The following CNNM2 variants were observed in gnomAD, a reference collection of about 807,000 sequenced individuals.
CNNM2 encodes the protein cyclin and CBS domain divalent metal cation transport mediator 2.
Under a neutral mutation model 66.9 loss-of-function variants are expected in CNNM2, and 12 were observed. That is an observed-to-expected ratio of 0.18 (90% CI 0.11 to 0.29). CNNM2 has a LOEUF of 0.29. CNNM2 is among the 10% of genes least tolerant of loss of function. CNNM2 has a pLI of 1.00. For missense variants in CNNM2, 705 were observed against 1,167.7 expected, an observed-to-expected ratio of 0.60 and a Z score of 5.77; for synonymous variants, 557 against 501.8, an observed-to-expected ratio of 1.11 and a Z score of -1.47.
At chr10:102,985,268 AC>A (rs2063778721) in intron 1 of CNNM2, among the ~76,000 whole-genome samples, 1 of 151,424 alleles carries the variant, frequency 6.6e-6, no homozygotes, top group African/African-American at 2.4e-5. Context: ...TCCCCTTCTC[AC>A]CCTCTTGTTT....
chr10:103,089,110 A>T lies in CNNM2; in HGVS notation c.*11930A>T. On this transcript the variant is annotated 3_prime_UTR_variant, in exon 8 of 8. Transcript: ENST00000369878. ...GCAAGTAGAGCATACTTCTGTGCAA[A>T]GCCAGTGATAGAGAAGCAGCCTTGC... 1 of 227,294 alleles carries T rather than the reference A, an allele frequency of 4.4e-6. No homozygotes were observed. The highest frequency in any genetic ancestry group is 6.4e-5 in the East Asian group (1 of 15,744). 14.1% of individuals were successfully genotyped at this position (227,294 alleles called of 1,614,324 possible). A position where few individuals can be genotyped will look rare whatever the true frequency, so the allele number is the denominator to read the frequency against.
At chr10:102,920,363 A>G (rs888266661) in intron 1 of CNNM2, among the ~76,000 whole-genome samples, 1 of 151,648 alleles carries the variant, frequency 6.6e-6, no homozygotes, top group Non-Finnish European at 1.5e-5. Context: ...ATTTCTGTGC[A>G]TGACACTTAT....
chr10:103,073,444 A>G (rs551224828), intron 6 of CNNM2, among the ~76,000 whole-genome samples: 1 of 152,328 alleles, frequency 6.6e-6, no homozygotes, highest in South Asian at 2.1e-4. Context: ...GCGCAGGGAT[A>G]CAGTAAGATC....
intron 1 of CNNM2, among the ~76,000 whole-genome samples, chr10:102,957,536 A>T (rs912288314): frequency 6.6e-6 from 1 of 152,218 alleles, no homozygotes; most frequent in Non-Finnish European, 1.5e-5. Context: ...TTTATCAAGA[A>T]TCTATTAAGC....
intron 1 of CNNM2, 69 bp from the exon 2 acceptor site, chr10:103,049,638 A>G (rs1280041154): frequency 1.2e-5 from 17 of 1,415,606 alleles, no homozygotes; most frequent in Non-Finnish European, 1.6e-5. Flanking sequence ...TGTTTTTACC[A>G]TATCACATAT....
chr10:103,061,503 T>C (rs2065385718), intron 4 of CNNM2, among the ~76,000 whole-genome samples: 1 of 152,156 alleles, frequency 6.6e-6, no homozygotes, highest in Non-Finnish European at 1.5e-5. Context: ...GTTGGCATAA[T>C]TGATGTGATA....
At chr10:103,072,738 C>T (rs932858740) in intron 6 of CNNM2, among the ~76,000 whole-genome samples, 6 of 152,362 alleles carry the variant, frequency 3.9e-5, no homozygotes, top group East Asian at 3.9e-4. Context: ...TATTTATCTT[C>T]GGAGTTTTTT....
At chr10:102,987,834 T>C (rs2063825183) in intron 1 of CNNM2, among the ~76,000 whole-genome samples, 1 of 152,146 alleles carries the variant, frequency 6.6e-6, no homozygotes, top group Non-Finnish European at 1.5e-5. Flanking sequence ...GCAGGAATTA[T>C]CACTATTTTC....
intron 1 of CNNM2, among the ~76,000 whole-genome samples, chr10:102,950,394 A>G (rs938039439): frequency 1.6e-4 from 25 of 152,230 alleles, no homozygotes; most frequent in Non-Finnish European, 3.2e-4. Flanking sequence ...ATATTTTTCA[A>G]CTGTGCATGT....
In CNNM2 at chr10:103,054,535, TG is replaced by T; in HGVS notation, c.1903+73del. On this transcript the variant is annotated intron_variant, in intron 3 of 7. Coordinates refer to ENST00000369878, the MANE Select transcript of CNNM2 (RefSeq NM_017649.5). This position sits in a 1 kb window ranked among gnomAD's most constrained non-coding sequence, Gnocchi z 5.2. ...AGCGTGTTTCTCACCCACCACTGAC[TG>T]GGGTGGGTTGGGGGTGGACACTGGG... 6.7e-7 allele frequency: 1 copy of T among 1,499,642 alleles called. No individual in the cohort carries two copies. The highest frequency in any genetic ancestry group is 2.3e-5 in the East Asian group (1 of 43,960). The allele number at this position is 1,499,642 out of a possible 1,614,324, so 92.9% of individuals were successfully genotyped here.
intron 1 of CNNM2, among the ~76,000 whole-genome samples, chr10:102,944,831 T>G (rs944209839): frequency 6.6e-6 from 1 of 152,216 alleles, no homozygotes; most frequent in Non-Finnish European, 1.5e-5. Flanking sequence ...TGATGTCCTT[T>G]TATCCAGAAT....
chr10:102,940,538 C>A (rs1257780100), intron 1 of CNNM2, among the ~76,000 whole-genome samples: 1 of 151,758 alleles, frequency 6.6e-6, no homozygotes, highest in African/African-American at 2.4e-5. Context: ...CCTGTCTCAG[C>A]CTCCCAAGTA....
At chr10:102,989,198 C>G (rs528537980) in intron 1 of CNNM2, among the ~76,000 whole-genome samples, 1 of 152,200 alleles carries the variant, frequency 6.6e-6, no homozygotes, top group South Asian at 2.1e-4. Flanking sequence ...TTGCAAAAAC[C>G]CTGGCAAAAT....
In CNNM2 at chr10:102,940,002, A is replaced by AC. The variant is rs113981545; in HGVS notation, c.1621+19901_1621+19902insC. The stretch of plus-strand genomic sequence containing the variant: ...ACAAACAACAACAACAACAACAACA[A>AC]AAAAAAAACCGCCATGTAGGAGACG... On this transcript the variant is annotated intron_variant, in intron 1 of 7. Coordinates refer to ENST00000369878, the MANE Select transcript of CNNM2 (RefSeq NM_017649.5). 0.31 allele frequency among the ~76,000 whole-genome samples: 46,969 copies of AC among 150,816 alleles called. 7,394 individuals carry two copies. Among genetic ancestry groups the AC allele is most frequent in the Middle Eastern group, 0.37 (109 of 294 alleles).
At chr10:103,024,600 T>A (rs1564850060) in intron 1 of CNNM2, among the ~76,000 whole-genome samples, 1 of 152,110 alleles carries the variant, frequency 6.6e-6, no homozygotes, top group Non-Finnish European at 1.5e-5. Flanking sequence ...TGCCTCAGCC[T>A]CCCGAGCAGC....
In CNNM2 at chr10:102,920,082, G is replaced by A; in HGVS notation, c.1602G>A (p.Met534Ile). The part of the protein sequence containing the change: ...FVFNDTKLDA[M>I]LEEFKKGKSH... ...TCAATGACACCAAGTTGGACGCTATGCTGGAAGAATTTAAGAAAGGTGGGA... is the reference window on the plus strand; with the variant it reads ...TCAATGACACCAAGTTGGACGCTATACTGGAAGAATTTAAGAAAGGTGGGA... Residue 534 changes from methionine (M) to isoleucine (I), a missense_variant, in exon 1 of 8, where the codon ATG becomes ATA. Physicochemically the swap from Met to Ile is conservative, Grantham distance 10. This residue lies in a region of CNNM2 where 171 missense variants were observed against 304.8 expected (regional missense o/e 0.56). Coordinates refer to ENST00000369878, the MANE Select transcript of CNNM2 (RefSeq NM_017649.5). 2 of 1,614,222 alleles carry A rather than the reference G, an allele frequency of 1.2e-6. No homozygotes were observed. Among genetic ancestry groups the A allele is most frequent in the Non-Finnish European group, 1.7e-6 (2 of 1,180,046 alleles).
At chr10:103,002,430 A>G (rs2064138876) in intron 1 of CNNM2, among the ~76,000 whole-genome samples, 1 of 152,206 alleles carries the variant, frequency 6.6e-6, no homozygotes, top group South Asian at 2.1e-4. Context: ...TATAATAGAA[A>G]AAGATAACAA....
At chr10:103,023,455 G>A (rs1163473667) in intron 1 of CNNM2, among the ~76,000 whole-genome samples, 5 of 152,160 alleles carry the variant, frequency 3.3e-5, no homozygotes. Context: ...GGCTGAGGCA[G>A]GAGAATCGCT....
chr10:103,030,820 G>A (rs548060644), intron 1 of CNNM2, among the ~76,000 whole-genome samples: 1 of 152,324 alleles, frequency 6.6e-6, no homozygotes, highest in South Asian at 2.1e-4. Context: ...AGGCATCTAA[G>A]TTGACTTTCA....
Sources: allele counts gnomAD v4.1 joint callset (sites outside exome capture counted in the v4.1 genomes callset), GRCh38; gene constraint gnomAD v4.1.1; regional missense constraint gnomAD v4.1.1; non-coding constraint Gnocchi (gnomAD v3.1); transcripts MANE v1.5; gene names NCBI Gene and HGNC (gene_info 2026-07-23, HGNC 2026-07-21).